The following TAPT1 variants were observed in gnomAD, a reference collection of about 807,000 sequenced individuals.
TAPT1 encodes the protein transmembrane anterior posterior transformation 1.
In TAPT1, 28 loss-of-function variants were observed where a neutral mutation model predicts 65.6. The ratio of observed to expected loss-of-function variants is 0.43; its 90% CI spans 0.32 to 0.59. TAPT1 has a LOEUF of 0.59. Ranked by LOEUF, TAPT1 falls within the 20% of genes least tolerant of loss-of-function variation. The pLI, the probability that TAPT1 is intolerant of heterozygous loss-of-function variation, is 0.09. For synonymous variants in TAPT1, 278 were observed against 245.2 expected, an observed-to-expected ratio of 1.13 and a Z score of -1.25; for missense variants, 563 against 679.9, an observed-to-expected ratio of 0.83 and a Z score of 1.91.
At chr4:16,193,363 G>A (rs718479) in intron 3 of TAPT1, among the ~76,000 whole-genome samples, 3,472 of 152,180 alleles carry the variant, frequency 0.023, 128 homozygotes, top group African/African-American at 0.078. Context: ...ATTGCATCAC[G>A]GCCAAAGTTG....
At chr4:16,201,909 C>T (rs1239440473) in intron 3 of TAPT1, among the ~76,000 whole-genome samples, 1 of 152,128 alleles carries the variant, frequency 6.6e-6, no homozygotes, top group East Asian at 1.9e-4. Flanking sequence ...CTGATCTTCC[C>T]CGTGGGGACA....
At chr4:16,177,586 GT>G (rs201097155) in intron 8 of TAPT1, among the ~76,000 whole-genome samples, 6 of 150,166 alleles carry the variant, frequency 4.0e-5, no homozygotes, top group African/African-American at 7.3e-5. Flanking sequence ...CCTTGGACAA[GT>G]TTTTTTTTTA....
intron 7 of TAPT1, among the ~76,000 whole-genome samples, chr4:16,184,754 T>G (rs563487462): frequency 6.6e-6 from 1 of 152,322 alleles, no homozygotes; most frequent in South Asian, 2.1e-4. Context: ...TATTGGACAT[T>G]TATAGATTTT....
chr4:16,213,698 AT>A (rs992942612), intron 2 of TAPT1, 69 bp downstream of exon 2: 14 of 1,369,064 alleles, frequency 1.0e-5, no homozygotes, highest in Middle Eastern at 2.1e-4. Context: ...GCTGTTGACC[AT>A]TTTTTTGCAT....
At chr4:16,217,565 T>C (rs1053396387) in intron 1 of TAPT1, among the ~76,000 whole-genome samples, 1 of 152,264 alleles carries the variant, frequency 6.6e-6, no homozygotes, top group African/African-American at 2.4e-5. Flanking sequence ...TGATAATTTC[T>C]GGTATTTTCT....
intron 2 of TAPT1, among the ~76,000 whole-genome samples, chr4:16,208,401 G>C (rs1032876601): frequency 2.0e-5 from 3 of 152,178 alleles, no homozygotes; most frequent in African/African-American, 7.2e-5. Context: ...TTGCAGCTGG[G>C]AATGGCTATG....
intron 11 of TAPT1, among the ~76,000 whole-genome samples, chr4:16,171,851 C>T (rs1406953053): frequency 1.3e-5 from 2 of 152,202 alleles, no homozygotes; most frequent in East Asian, 1.9e-4. Context: ...TTAACTTTTA[C>T]TCAGTCTAAT....
rs1360819420 is a variant in TAPT1 at position 16,184,746 on chromosome 4, T to C, written c.916+1789A>G. On this transcript the variant is annotated intron_variant, in intron 7 of 13. Coordinates refer to ENST00000405303, the MANE Select transcript of TAPT1 (RefSeq NM_153365.3). ...TGCCGAGCAGCTTTTCATGACCTTATTGGACATTTATAGATTTTCTTTTGT... is the reference window on the plus strand; with the variant it reads ...TGCCGAGCAGCTTTTCATGACCTTACTGGACATTTATAGATTTTCTTTTGT... 2.0e-5 allele frequency among the ~76,000 whole-genome samples: 3 copies of C among 152,218 alleles called. No individual in the cohort carries two copies. In the South Asian group the frequency reaches 6.2e-4, roughly 31 times the overall value.
At chr4:16,169,503 A>G (rs1156481355) in intron 12 of TAPT1, among the ~76,000 whole-genome samples, 1 of 152,258 alleles carries the variant, frequency 6.6e-6, no homozygotes, top group Non-Finnish European at 1.5e-5. Context: ...TTAATGTCAA[A>G]AAATGAAAAG....
chr4:16,173,074 T>G (rs1347088333), intron 11 of TAPT1, among the ~76,000 whole-genome samples: 1 of 152,224 alleles, frequency 6.6e-6, no homozygotes, highest in Non-Finnish European at 1.5e-5. Flanking sequence ...TCCACCTGCC[T>G]TAGCTTCCCA....
intron 4 of TAPT1, among the ~76,000 whole-genome samples, chr4:16,188,608 A>G (rs1749163134): frequency 6.6e-6 from 1 of 152,194 alleles, no homozygotes; most frequent in South Asian, 2.1e-4. Flanking sequence ...AGTCTTAAAT[A>G]GTGGCAAAAA....
At chr4:16,171,790 T>G (rs773833765) in intron 11 of TAPT1, among the ~76,000 whole-genome samples, 1 of 152,230 alleles carries the variant, frequency 6.6e-6, no homozygotes, top group African/African-American at 2.4e-5. Flanking sequence ...GGCAAACCAA[T>G]GATCACATTT....
At chr4:16,175,396 T>C (rs910266921) in intron 9 of TAPT1, among the ~76,000 whole-genome samples, 1 of 152,140 alleles carries the variant, frequency 6.6e-6, no homozygotes, top group Non-Finnish European at 1.5e-5. Context: ...CAGAAACTCA[T>C]AATTGAATCA....
chr4:16,223,559 A>G (rs909032434), intron 1 of TAPT1, among the ~76,000 whole-genome samples: 2 of 152,224 alleles, frequency 1.3e-5, no homozygotes, highest in African/African-American at 2.4e-5. Flanking sequence ...CTATGTTAAA[A>G]GGTGTAAGTA....
intron 7 of TAPT1, among the ~76,000 whole-genome samples, chr4:16,181,777 A>C (rs1247271014): frequency 6.6e-6 from 1 of 152,178 alleles, no homozygotes; most frequent in Non-Finnish European, 1.5e-5. Flanking sequence ...CATGTTGGCC[A>C]AGCTGGTCTC....
chr4:16,161,200 T>C lies in TAPT1; in HGVS notation c.*2108A>G, dbSNP rs542632358. On this transcript the variant is annotated 3_prime_UTR_variant, in exon 14 of 14. Coordinates refer to ENST00000405303, the MANE Select transcript of TAPT1 (RefSeq NM_153365.3). Reference sequence around the variant, plus strand: ...AATAATTCAAATTAAGATAGCTCTATCACTTGTGAATTACAAATAAATACT... The same window carrying C: ...AATAATTCAAATTAAGATAGCTCTACCACTTGTGAATTACAAATAAATACT... The C allele has an allele frequency of 2.2e-3, 330 of 152,784 alleles. 1 individual carries two copies. The highest frequency in any genetic ancestry group is 2.2e-3 in the Non-Finnish European group (147 of 68,034). The allele number at this position is 152,784 out of a possible 1,614,324, so 9.5% of individuals were successfully genotyped here.
At chr4:16,170,006 C>T (rs1301907048) in intron 12 of TAPT1, among the ~76,000 whole-genome samples, 1 of 152,180 alleles carries the variant, frequency 6.6e-6, no homozygotes, top group African/African-American at 2.4e-5. Flanking sequence ...AACAGGTTTC[C>T]CGTTTCATTT....
intron 1 of TAPT1, among the ~76,000 whole-genome samples, chr4:16,223,276 T>A (rs909139623): frequency 6.6e-6 from 1 of 152,124 alleles, no homozygotes; most frequent in Admixed American, 6.5e-5. Context: ...ATACAGAAAC[T>A]CTCCTACCTA....
intron 1 of TAPT1, among the ~76,000 whole-genome samples, chr4:16,214,984 A>G (rs1750851745): frequency 6.6e-6 from 1 of 151,966 alleles, no homozygotes; most frequent in South Asian, 2.1e-4. Context: ...GTGAGGGGGG[A>G]AGCGTTTATA....
Sources: allele counts gnomAD v4.1 joint callset (sites outside exome capture counted in the v4.1 genomes callset), GRCh38; gene constraint gnomAD v4.1.1; transcripts MANE v1.5; gene names NCBI Gene and HGNC (gene_info 2026-07-23, HGNC 2026-07-21).